Variants in SEPTIN9 observed in about 807,000 individuals in gnomAD.
SEPTIN9 encodes septin 9.
In SEPTIN9, 13 loss-of-function variants were observed where a neutral mutation model predicts 56.6. That is an observed-to-expected ratio of 0.23 (90% confidence interval 0.15 to 0.37). The LOEUF (loss-of-function observed/expected upper bound fraction) is 0.37, where lower values mean the gene tolerates loss of function less well. SEPTIN9 is among the 10% of genes least tolerant of loss of function. The pLI is 1.00. For missense variants in SEPTIN9, 650 were observed against 823.1 expected, an observed-to-expected ratio of 0.79 and a Z score of 2.57; for synonymous variants, 332 against 334.1, an observed-to-expected ratio of 0.99 and a Z score of 0.07.
chr17:77,440,523 AG>A (rs2037507215), intron 3 of SEPTIN9, among the ~76,000 whole-genome samples: 1 of 152,242 alleles, frequency 6.6e-6, no homozygotes, highest in Admixed American at 6.5e-5. Context: ...TTTAAGGCAC[AG>A]ATACATGAAG....
At chr17:77,350,411 A>G (rs1013386506) in intron 2 of SEPTIN9, among the ~76,000 whole-genome samples, 4 of 152,220 alleles carry the variant, frequency 2.6e-5, no homozygotes, top group Non-Finnish European at 5.9e-5. Flanking sequence ...AGTGGCATGC[A>G]GGAGGCCCAC....
chr17:77,297,197 G>C lies in SEPTIN9; in HGVS notation c.20-9944G>C, dbSNP rs147944528. Among the ~76,000 whole-genome samples the C allele has an allele frequency of 2.8e-3, 421 of 152,250 alleles. 2 individuals carry two copies. Among genetic ancestry groups the C allele is most frequent in the Admixed American group, 4.7e-3 (72 of 15,284 alleles). ...ATCGTGGCTCAGTCCAAGTCTGCAG[G>C]CCTCAGGACTGGGAAGCTGTTGATG... On this transcript the variant is annotated intron_variant, in intron 1 of 11. Coordinates refer to ENST00000427177, the MANE Select transcript of SEPTIN9 (RefSeq NM_001113491.2).
chr17:77,281,643 C>G, intron 1 of SEPTIN9, 89 bp downstream of exon 1: 5 of 1,307,106 alleles, frequency 3.8e-6, no homozygotes, highest in Non-Finnish European at 5.2e-6. Flanking sequence ...TGGCGAGGCG[C>G]CCCCGGAGCT....
intron 2 of SEPTIN9, among the ~76,000 whole-genome samples, chr17:77,331,184 G>T (rs1345797128): frequency 6.6e-6 from 1 of 152,132 alleles, no homozygotes; most frequent in Non-Finnish European, 1.5e-5. Flanking sequence ...GCAAGGCTTT[G>T]TCTTTACAAA....
chr17:77,383,061 C>T (rs1482997859), intron 2 of SEPTIN9, among the ~76,000 whole-genome samples: 1 of 152,088 alleles, frequency 6.6e-6, no homozygotes, highest in African/African-American at 2.4e-5. Context: ...TACATCTCTC[C>T]TAATATTTAA....
Position 77,498,515 on chromosome 17 carries a change from C to A in SEPTIN9, c.1626-8C>A. The A allele has an allele frequency of 3.4e-6, 2 of 596,676 alleles. No homozygotes were observed. The highest frequency in any genetic ancestry group is 5.8e-6 in the Non-Finnish European group (2 of 344,982). 37.0% of individuals were successfully genotyped at this position (596,676 alleles called of 1,614,324 possible). ...CCTCACTGACCCGCCCGCCCCCCAC[C>A]CCCACAGGACGCACATGCAGAACAT... On this transcript the variant is annotated splice_polypyrimidine_tract_variant and splice_region_variant and intron_variant, in intron 11 of 11. Coordinates refer to ENST00000427177, the MANE Select transcript of SEPTIN9 (RefSeq NM_001113491.2).
intron 2 of SEPTIN9, among the ~76,000 whole-genome samples, chr17:77,345,044 T>C (rs1264168301): frequency 6.7e-6 from 1 of 148,192 alleles, no homozygotes; most frequent in East Asian, 2.0e-4. Context: ...GAAGACATGC[T>C]AAGTGACAGA....
intron 2 of SEPTIN9, among the ~76,000 whole-genome samples, chr17:77,361,031 C>G (rs2034401305): frequency 6.8e-6 from 1 of 146,936 alleles, no homozygotes; most frequent in South Asian, 2.2e-4. Flanking sequence ...TCAAGTGATT[C>G]TCCTGCCTCA....
Position 77,429,064 on chromosome 17 carries a change from A to T in SEPTIN9, c.721+26361A>T, listed in dbSNP as rs747134045. 1 of 471,572 alleles carries T rather than the reference A, an allele frequency of 2.1e-6. No individual in the cohort carries two copies. Among genetic ancestry groups the T allele is most frequent in the African/African-American group, 2.0e-5 (1 of 50,186 alleles). 29.2% of individuals were successfully genotyped at this position (471,572 alleles called of 1,614,324 possible). The stretch of plus-strand genomic sequence containing the variant: ...CTCCGCCCCCTGCTCCTGGTTGCAG[A>T]TGTACCTGTTCTTGGCTATTTGTGC... On this transcript the variant is annotated intron_variant, in intron 3 of 11. Coordinates refer to ENST00000427177, the MANE Select transcript of SEPTIN9 (RefSeq NM_001113491.2). The surrounding 1 kb of genome is among the most constrained non-coding windows in gnomAD (Gnocchi z 5.2).
intron 3 of SEPTIN9, among the ~76,000 whole-genome samples, chr17:77,479,706 G>C (rs762539060): frequency 4.8e-5 from 7 of 145,976 alleles, no homozygotes; most frequent in Non-Finnish European, 7.4e-5. Context: ...AGGGGCGTTG[G>C]GGGCGAGAAA....
chr17:77,498,788 T>A lies in SEPTIN9; in HGVS notation c.*130T>A. 1 of 622,698 alleles carries A rather than the reference T, an allele frequency of 1.6e-6. No individual in the cohort carries two copies. Among genetic ancestry groups the A allele is most frequent in the African/African-American group, 1.9e-5 (1 of 53,192 alleles). 38.6% of individuals were successfully genotyped at this position (622,698 alleles called of 1,614,324 possible). On this transcript the variant is annotated 3_prime_UTR_variant, in exon 12 of 12. Transcript: ENST00000427177. ...ATCGTTCCCCACCCCTTCGACATGC[T>A]GCCAGGAAACAAGGGAAGGGGCCTC...
At chr17:77,366,590 AGTCCTTCT>A (rs1310479743) in intron 2 of SEPTIN9, among the ~76,000 whole-genome samples, 1 of 152,184 alleles carries the variant, frequency 6.6e-6, no homozygotes, top group Non-Finnish European at 1.5e-5. Flanking sequence ...CCAGTCCTTC[AGTCCTTCT>A]GTCCTGTGTG....
rs1568112330 is a variant in SEPTIN9 at position 77,484,998 on chromosome 17, T to TG, written c.914-2425dup. 1.7e-4 allele frequency among the ~76,000 whole-genome samples: 11 copies of TG among 63,932 alleles called. 1 individual carries two copies. 41.9% of individuals were successfully genotyped at this position (63,932 alleles called of 152,430 possible). On this transcript the variant is annotated intron_variant, in intron 4 of 11. Coordinates refer to ENST00000427177, the MANE Select transcript of SEPTIN9 (RefSeq NM_001113491.2). ...GTGATGGTGGTGATTGTGATGGTGG[T>TG]GAAGGGGGTGATGGTGGTGATTGTG... is the stretch of plus-strand genomic sequence containing the variant.
rs2037932377 is a variant in SEPTIN9, at chr17:77,450,733, A to T, written c.722-31411A>T. On this transcript the variant is annotated intron_variant, in intron 3 of 11. Coordinates refer to ENST00000427177, the MANE Select transcript of SEPTIN9 (RefSeq NM_001113491.2). The surrounding 1 kb of genome is among the most constrained non-coding windows in gnomAD (Gnocchi z 6.0). ...CCCCCAGGGGCTGGAGAGGCTGGAGAGGCAGGAGCTGGATCAGATCTGAAT... is the reference window on the plus strand; with the variant it reads ...CCCCCAGGGGCTGGAGAGGCTGGAGTGGCAGGAGCTGGATCAGATCTGAAT... The T allele has an allele frequency of 7.1e-6, 7 of 985,942 alleles. No individual in the cohort carries two copies. Among genetic ancestry groups the T allele is most frequent in the Admixed American group, 6.2e-5 (1 of 16,256 alleles). The allele number at this position is 985,942 out of a possible 1,614,324, so 61.1% of individuals were successfully genotyped here. A position where few individuals can be genotyped will look rare whatever the true frequency, so the allele number is the denominator to read the frequency against.
intron 3 of SEPTIN9, among the ~76,000 whole-genome samples, chr17:77,409,079 G>C (rs74000238): frequency 3.9e-5 from 6 of 152,128 alleles, no homozygotes; most frequent in African/African-American, 1.2e-4. Context: ...CGTTCCTGCC[G>C]GGATGCCTTA....
At chr17:77,390,746 C>T (rs921305373) in intron 2 of SEPTIN9, among the ~76,000 whole-genome samples, 4 of 152,194 alleles carry the variant, frequency 2.6e-5, no homozygotes, top group Middle Eastern at 3.2e-3. Context: ...CCGCCGCGCC[C>T]GGCCACACGT....
At chr17:77,404,602 G>A (rs141896520) in intron 3 of SEPTIN9, among the ~76,000 whole-genome samples, 169 of 152,274 alleles carry the variant, frequency 1.1e-3, no homozygotes, top group Non-Finnish European at 2.2e-3. Context: ...TTGGGGGCTG[G>A]GAGGATGTGG....
At chr17:77,439,716 T>C (rs2037476547) in intron 3 of SEPTIN9, among the ~76,000 whole-genome samples, 1 of 152,202 alleles carries the variant, frequency 6.6e-6, no homozygotes. Context: ...ACCGGCCCTG[T>C]CACCAGGCTC....
intron 2 of SEPTIN9, among the ~76,000 whole-genome samples, chr17:77,387,858 TGC>T (rs2035390669): frequency 6.7e-6 from 1 of 150,254 alleles, no homozygotes; most frequent in Non-Finnish European, 1.5e-5. Flanking sequence ...CTGGGGAAGG[TGC>T]CTGATCTAGC....
Sources: allele counts gnomAD v4.1 joint callset (sites outside exome capture counted in the v4.1 genomes callset), GRCh38; gene constraint gnomAD v4.1.1; non-coding constraint Gnocchi (gnomAD v3.1); transcripts MANE v1.5; gene names NCBI Gene and HGNC (gene_info 2026-07-23, HGNC 2026-07-21).